The following PIWIL2 variants were observed in gnomAD, a reference collection of about 807,000 sequenced individuals.
PIWIL2 encodes the protein piwi-like protein 2.
A neutral mutation model predicts 116.5 loss-of-function variants in PIWIL2; 81 were observed. That is an observed-to-expected ratio of 0.70 (90% CI 0.58 to 0.84). The LOEUF (loss-of-function observed/expected upper bound fraction) is 0.84. PIWIL2 is among the 40% of genes least tolerant of loss of function. The probability of loss-of-function intolerance (pLI) is 0.00; values close to 1 mark genes in which losing one functional copy is unlikely to be tolerated. For synonymous variants in PIWIL2, 489 were observed against 429.5 expected (o/e 1.14, Z -1.71); for missense variants, 1,272 against 1,212.3 (o/e 1.05, Z -0.73).
chr8:22,322,916 AGTTGTT>A (rs371954635), intron 20 of PIWIL2, among the ~76,000 whole-genome samples: 25 of 151,906 alleles, frequency 1.6e-4, no homozygotes, highest in African/African-American at 5.6e-4. Flanking sequence ...TCCCCAGGCC[AGTTGTT>A]GTTGTTGTTG....
chr8:22,321,275 T>A (rs901897536), intron 20 of PIWIL2, among the ~76,000 whole-genome samples: 3 of 152,060 alleles, frequency 2.0e-5, no homozygotes, highest in Admixed American at 6.6e-5. Flanking sequence ...CAAGCCTGGC[T>A]AATTGTTAAA....
At position 22,340,705 on chromosome 8, in the gene PIWIL2, TTTTTTATTTTC is replaced by T. The variant is rs1832088303; in HGVS notation, c.2404-12244_2404-12234del. On this transcript the variant is annotated intron_variant, in intron 20 of 22. Transcript: ENST00000356766. ...AAGCTTGAACAGACAAGGAAAGATT[TTTTTTATTTTC>T]TTTTTATTTCTTTTTTTTCTGAGAC... 2.6e-5 allele frequency among the ~76,000 whole-genome samples: 4 copies of T among 152,056 alleles called. No homozygotes were observed. The South Asian group carries it at 8.3e-4, about 32-fold the overall frequency.
Position 22,316,254 on chromosome 8 carries a change from A to T in PIWIL2, c.2218A>T (p.Met740Leu), listed in dbSNP as rs765626244. Residue 740 changes from methionine to leucine, a missense_variant, in exon 19 of 23, where the codon ATG becomes TTG. Physicochemically the swap from Met to Leu is conservative, Grantham distance 15 (BLOSUM62 2). Transcript: ENST00000356766. Reference sequence around the variant, plus strand: ...TTGTTTTCTAAACTAGAAACAGTTAATGGTGATCGGGATGGATGTTTACCA... The same window carrying T: ...TTGTTTTCTAAACTAGAAACAGTTATTGGTGATCGGGATGGATGTTTACCA... ...WGVDIPLKQL[M>L]VIGMDVYHDP... The T allele has an allele frequency of 6.2e-7, 1 of 1,610,550 alleles. No homozygotes were observed. Among genetic ancestry groups the T allele is most frequent in the Non-Finnish European group, 8.5e-7 (1 of 1,176,936 alleles).
At chr8:22,301,875 T>C (rs985534575) in intron 10 of PIWIL2, among the ~76,000 whole-genome samples, 2 of 152,176 alleles carry the variant, frequency 1.3e-5, no homozygotes. Flanking sequence ...AGATTGTCCT[T>C]CCCTACTGAT....
chr8:22,297,963 A>G (rs1830951856), intron 10 of PIWIL2, among the ~76,000 whole-genome samples: 1 of 152,208 alleles, frequency 6.6e-6, no homozygotes, highest in South Asian at 2.1e-4. Context: ...CAAGCAAATG[A>G]AAAACAGAAT....
intron 4 of PIWIL2, among the ~76,000 whole-genome samples, chr8:22,281,897 A>G (rs556614312): frequency 2.1e-4 from 29 of 141,086 alleles, no homozygotes; most frequent in African/African-American, 5.9e-4. Flanking sequence ...TCAGCCTCCC[A>G]GGTGTCTGGG....
At chr8:22,294,890 A>T in intron 10 of PIWIL2, among the ~76,000 whole-genome samples, 1 of 95,594 alleles carries the variant, frequency 1.0e-5, no homozygotes, top group African/African-American at 3.6e-5. Context: ...GTGAAATCCC[A>T]TCTTTACTGG....
chr8:22,353,116 AG>A lies in PIWIL2; in HGVS notation c.2562del (p.Ile856SerfsTer14). 1 of 1,614,110 alleles carries A rather than the reference AG, an allele frequency of 6.2e-7. No homozygotes were observed. The highest frequency in any genetic ancestry group is 8.5e-7 in the Non-Finnish European group (1 of 1,179,916). ...QPKMVVFVVQ[K>X]KISTNLYLAA... is the part of the protein sequence containing the mutation. Reference sequence around the variant, plus strand: ...AAGATGGTGGTGTTTGTAGTTCAGAAGAAAATCAGTACTAATCTATATCTGG... The same window carrying A: ...AAGATGGTGGTGTTTGTAGTTCAGAAAAAATCAGTACTAATCTATATCTGG... On this transcript the variant is annotated frameshift_variant, in exon 21 of 23. Coordinates refer to ENST00000356766, the MANE Select transcript of PIWIL2 (RefSeq NM_018068.5). LOFTEE classifies it high-confidence loss of function.
At chr8:22,281,244 G>A (rs376961032) in intron 3 of PIWIL2, 37 bp downstream of exon 3, 63 of 1,550,094 alleles carry the variant, frequency 4.1e-5, no homozygotes, top group Middle Eastern at 1.7e-4. Context: ...TTGGTGGTAT[G>A]TATGATTGGT....
At position 22,348,344 on chromosome 8, in the gene PIWIL2, A is replaced by G. The variant is rs1355681760; in HGVS notation, c.2404-4615A>G. Among the ~76,000 whole-genome samples the G allele has an allele frequency of 8.5e-5, 13 of 152,174 alleles. No homozygotes were observed. In the East Asian group the frequency reaches 2.1e-3, roughly 25 times the overall value. The stretch of plus-strand genomic sequence containing the variant: ...TTTTCTGAGATAAGTGCAGTGGCTC[A>G]TATCTAGTGGATGTGAAGTATTTGT... On this transcript the variant is annotated intron_variant, in intron 20 of 22. Transcript: ENST00000356766.
At chr8:22,319,541 G>T (rs962540386) in intron 20 of PIWIL2, among the ~76,000 whole-genome samples, 5 of 152,084 alleles carry the variant, frequency 3.3e-5, no homozygotes, top group Non-Finnish European at 7.4e-5. Flanking sequence ...CATCCCACTG[G>T]GTTGTAAATT....
rs77332540 is a variant in PIWIL2 at position 22,315,885 on chromosome 8, A to T, written c.2209-360A>T. ...TTGGGTTCATTTGCTTGCATCCCAAATTCAAAAATCTGCAATCTGAAACAC... is the reference window on the plus strand; with the variant it reads ...TTGGGTTCATTTGCTTGCATCCCAATTTCAAAAATCTGCAATCTGAAACAC... On this transcript the variant is annotated intron_variant, in intron 18 of 22. Coordinates refer to ENST00000356766, the MANE Select transcript of PIWIL2 (RefSeq NM_018068.5). Among the ~76,000 whole-genome samples the T allele has an allele frequency of 2.7e-3, 406 of 152,300 alleles. 1 individual carries two copies. The highest frequency in any genetic ancestry group is 9.2e-3 in the African/African-American group (382 of 41,564).
intron 7 of PIWIL2, 124 bp from the exon 8 acceptor site, chr8:22,288,418 G>A: frequency 1.6e-6 from 1 of 630,676 alleles, no homozygotes; most frequent in Non-Finnish European, 2.5e-6. Context: ...AAAGTGAGGG[G>A]AAAAGTAGAA....
chr8:22,355,248 G>T (rs1429273247), intron 22 of PIWIL2, 101 bp from the exon 23 acceptor site: 1 of 1,108,578 alleles, frequency 9.0e-7, no homozygotes, highest in Non-Finnish European at 1.3e-6. Flanking sequence ...TTTTCAGGAA[G>T]GTGTGCTCTG....
chr8:22,352,598 C>G (rs1368773964), intron 20 of PIWIL2, among the ~76,000 whole-genome samples: 1 of 152,158 alleles, frequency 6.6e-6, no homozygotes, highest in Admixed American at 6.6e-5. Context: ...TTTGCCCCGA[C>G]AGTTATTAGT....
At chr8:22,291,727 C>T (rs74671543) in intron 10 of PIWIL2, among the ~76,000 whole-genome samples, 9,257 of 152,192 alleles carry the variant, frequency 0.061, 349 homozygotes, top group Admixed American at 0.091. Flanking sequence ...CCATTTCATT[C>T]ATTGCTTCAG....
At chr8:22,291,148 T>G (rs1830757362) in intron 10 of PIWIL2, among the ~76,000 whole-genome samples, 1 of 151,614 alleles carries the variant, frequency 6.6e-6, no homozygotes, top group Non-Finnish European at 1.5e-5. Context: ...TTTTTTTCTT[T>G]TCTTTTCTTT....
intron 8 of PIWIL2, among the ~76,000 whole-genome samples, chr8:22,289,276 C>T (rs532213866): frequency 7.4e-4 from 113 of 152,068 alleles, no homozygotes; most frequent in Non-Finnish European, 1.3e-3. Flanking sequence ...CCTCAGTCTC[C>T]TGAGTAGCTG....
Position 22,289,853 on chromosome 8 carries a change from G to T in PIWIL2, c.993G>T (p.Met331Ile). ...TACTTGCTTTTTATTTCAGGGTAAT[G>T]AAACTTTTAGATATGAAGCTTGTGG... ...PFYNVVFRRV[M>I]KLLDMKLVGR... The change falls in exon 9 of 23, where the codon ATG becomes ATT. Residue 331 changes from methionine to isoleucine, a missense_variant. Transcript: ENST00000356766. 1.3e-6 allele frequency: 2 copies of T among 1,598,670 alleles called. No individual in the cohort carries two copies. Among genetic ancestry groups the T allele is most frequent in the African/African-American group, 2.7e-5 (2 of 74,766 alleles).
Sources: gnomAD v4.1 joint callset for allele counts (sites outside exome capture counted in the v4.1 genomes callset) on GRCh38, gnomAD v4.1.1 for gene constraint, MANE v1.5 for transcripts, NCBI Gene and HGNC (gene_info 2026-07-23, HGNC 2026-07-21) for gene names.